AGBL1: variants seen among roughly 807,000 people sequenced by gnomAD.
AGBL1 encodes cytosolic carboxypeptidase 4.
In AGBL1, 130 loss-of-function variants were observed where a neutral mutation model predicts 118.9. That is an observed-to-expected ratio of 1.09 (90% confidence interval 0.95 to 1.26). AGBL1 has a LOEUF of 1.26. AGBL1 is among the 50% of genes most tolerant of loss of function. The pLI is 0.00. For synonymous variants in AGBL1, 555 were observed against 478.9 expected (o/e 1.16, Z -2.08); for missense variants, 1,584 against 1,298.1 (o/e 1.22, Z -3.38).
At chr15:86,189,480 T>G (rs113334189) in intron 5 of AGBL1, among the ~76,000 whole-genome samples, 24 of 152,180 alleles carry the variant, frequency 1.6e-4, no homozygotes, top group African/African-American at 5.8e-4. Context: ...AGGTGGGGCC[T>G]GGTAGGAGGC....
chr15:86,341,764 G>A (rs1837096406), intron 17 of AGBL1, among the ~76,000 whole-genome samples: 1 of 152,308 alleles, frequency 6.6e-6, no homozygotes, highest in South Asian at 2.1e-4. Flanking sequence ...GAACCTTGAT[G>A]AGATTTTGGT....
chr15:86,497,503 ACATTTCTGTTTAT>A (rs1437856922), intron 18 of AGBL1, among the ~76,000 whole-genome samples: 2 of 151,980 alleles, frequency 1.3e-5, no homozygotes, highest in East Asian at 3.9e-4. Flanking sequence ...AATTTTCAAA[ACATTTCTGTTTAT>A]TTTCACTGAA....
intron 22 of AGBL1, among the ~76,000 whole-genome samples, chr15:86,812,051 T>C (rs1226989709): frequency 6.6e-6 from 1 of 152,176 alleles, no homozygotes; most frequent in Non-Finnish European, 1.5e-5. Flanking sequence ...GATTAAATGG[T>C]TTGGGTTGTA....
intron 22 of AGBL1, among the ~76,000 whole-genome samples, chr15:86,737,683 T>C (rs956163084): frequency 6.6e-6 from 1 of 152,152 alleles, no homozygotes; most frequent in Non-Finnish European, 1.5e-5. Context: ...GGGGTTTCAA[T>C]GGTAAAGATC....
chr15:86,139,763 A>AT (rs59244971), intron 1 of AGBL1: 46,440 of 149,624 alleles, frequency 0.31, 7,120 homozygotes, highest in South Asian at 0.4. Context: ...ACATTAATTG[A>AT]TTTTTTTTTT....
intron 16 of AGBL1, among the ~76,000 whole-genome samples, chr15:86,294,029 G>C (rs1281527397): frequency 6.6e-6 from 1 of 152,058 alleles, no homozygotes; most frequent in Non-Finnish European, 1.5e-5. Context: ...AGTGCAGGTG[G>C]GGAAAATCTC....
chr15:86,209,057 C>T (rs1057473887), intron 5 of AGBL1, among the ~76,000 whole-genome samples: 4 of 152,100 alleles, frequency 2.6e-5, no homozygotes, highest in African/African-American at 4.8e-5. Context: ...TTATTTCTGC[C>T]TTCATTTCAT....
Position 86,554,519 on chromosome 15 carries a change from C to T in AGBL1, c.2976C>T (p.Cys992=), listed in dbSNP as rs764668945. The T allele has an allele frequency of 3.9e-6, 6 of 1,543,834 alleles. No homozygotes were observed. In the Admixed American group the frequency reaches 8.7e-5, roughly 22 times the overall value. Reference sequence around the variant, plus strand: ...CCATGGAAAGCAGCTACTGTGGCTGCAACCAGGGCCCTTATCAGGTATGTG... The same window carrying T: ...CCATGGAAAGCAGCTACTGTGGCTGTAACCAGGGCCCTTATCAGGTATGTG... ...SYTMESSYCG[C]NQGPYQGLQF... is the part of the protein sequence containing the mutation. Residue 992 remains cysteine (C), a synonymous_variant, in exon 21 of 23, where the codon TGC becomes TGT. Transcript: ENST00000614907.
intron 22 of AGBL1, among the ~76,000 whole-genome samples, chr15:86,832,749 C>T (rs1333479628): frequency 1.3e-5 from 2 of 152,182 alleles, no homozygotes; most frequent in South Asian, 2.1e-4. Context: ...CTGCCTTCTT[C>T]TGAGTCCTTC....
chr15:86,081,300 C>A (rs1474670053), intron 1 of AGBL1, among the ~76,000 whole-genome samples: 1 of 152,160 alleles, frequency 6.6e-6, no homozygotes, highest in Non-Finnish European at 1.5e-5. Flanking sequence ...CTCGGCCTCC[C>A]AAAATGCTGG....
chr15:86,553,402 T>G (rs907851739), intron 20 of AGBL1, among the ~76,000 whole-genome samples: 2 of 152,070 alleles, frequency 1.3e-5, no homozygotes. Context: ...GATTAAGTAG[T>G]CATAAATAAA....
chr15:86,264,814 T>G lies in AGBL1; in HGVS notation c.1643T>G (p.Leu548Trp). The G allele has an allele frequency of 6.2e-7, 1 of 1,609,440 alleles. No homozygotes were observed. Among genetic ancestry groups the G allele is most frequent in the Non-Finnish European group, 8.5e-7 (1 of 1,178,324 alleles). Reference protein sequence around the residue: ...HCPPPTTQPMLERKCGVQRIR... With the variant: ...HCPPPTTQPMWERKCGVQRIR... The stretch of plus-strand genomic sequence containing the variant: ...CCCCCTCCCACCACCCAGCCTATGT[T>G]GGAACGAAAATGTGGAGTCCAAAGG... The change falls in exon 11 of 23, where the codon TTG becomes TGG. Residue 548 changes from leucine (L) to tryptophan (W), a missense_variant. Leu to Trp is a moderately conservative substitution (Grantham distance 61). Transcript: ENST00000614907.
chr15:87,013,606 A>G (rs1276702539), intron 24 of AGBL1, among the ~76,000 whole-genome samples: 1 of 152,100 alleles, frequency 6.6e-6, no homozygotes, highest in East Asian at 1.9e-4. Context: ...TCCAAGACCC[A>G]TGCAGGTGAT....
intron 22 of AGBL1, among the ~76,000 whole-genome samples, chr15:86,904,167 A>T (rs993395390): frequency 5.9e-5 from 9 of 152,108 alleles, no homozygotes; most frequent in Admixed American, 2.0e-4. Flanking sequence ...GCTTTTAATC[A>T]TCTGCACCTC....
chr15:86,389,726 A>G (rs2081249040), intron 17 of AGBL1, among the ~76,000 whole-genome samples: 1 of 152,188 alleles, frequency 6.6e-6, no homozygotes, highest in African/African-American at 2.4e-5. Flanking sequence ...AATAAATCAA[A>G]GAAGTACCTT....
intron 18 of AGBL1, among the ~76,000 whole-genome samples, chr15:86,409,364 T>TCCTGCTG (rs2081579092): frequency 6.6e-6 from 1 of 152,154 alleles, no homozygotes; most frequent in Non-Finnish European, 1.5e-5. Context: ...ACTCTTAAGG[T>TCCTGCTG]CCTGCTGCTA....
At chr15:86,420,656 A>C (rs2142023173) in intron 18 of AGBL1, among the ~76,000 whole-genome samples, 1 of 152,328 alleles carries the variant, frequency 6.6e-6, no homozygotes, top group South Asian at 2.1e-4. Flanking sequence ...GGTTAATCAC[A>C]AACTCCTCTG....
intron 24 of AGBL1, among the ~76,000 whole-genome samples, chr15:87,009,978 C>T (rs2081541907): frequency 2.0e-5 from 3 of 152,134 alleles, no homozygotes; most frequent in Admixed American, 2.0e-4. Context: ...TTGGATAAGA[C>T]TTGGGACTGT....
intron 5 of AGBL1, among the ~76,000 whole-genome samples, chr15:86,188,642 G>C (rs993902807): frequency 9.2e-5 from 14 of 152,156 alleles, no homozygotes; most frequent in Non-Finnish European, 1.6e-4. Context: ...CATAATAAAA[G>C]TTCCTGGTCA....
Sources: gnomAD v4.1 joint callset for allele counts (sites outside exome capture counted in the v4.1 genomes callset) on GRCh38, gnomAD v4.1.1 for gene constraint, MANE v1.5 for transcripts, NCBI Gene and HGNC (gene_info 2026-07-23, HGNC 2026-07-21) for gene names.